COL4A4: variants seen among roughly 807,000 people sequenced by gnomAD.
The protein encoded by COL4A4 is collagen type IV alpha 4 chain.
COL4A4 carries 105 observed loss-of-function variants against 192.9 expected under a neutral mutation model. The observed-to-expected ratio is 0.54, with a 90% CI of 0.46 to 0.64. The LOEUF (loss-of-function observed/expected upper bound fraction) is 0.64, where lower values mean the gene tolerates loss of function less well. Ranked by LOEUF, COL4A4 falls within the 30% of genes least tolerant of loss-of-function variation. COL4A4 has a pLI of 0.00. For missense variants in COL4A4, 1,967 were observed against 2,169.3 expected (o/e 0.91, Z 1.85); for synonymous variants, 762 against 769.9 (o/e 0.99, Z 0.17).
intron 6 of COL4A4, 58 bp downstream of exon 6, chr2:227,119,837 A>AT (rs1487151233): frequency 8.1e-7 from 1 of 1,227,712 alleles, no homozygotes; most frequent in East Asian, 2.6e-5. Context: ...GGTTTTAAGG[A>AT]TTTTGATGAG....
At chr2:227,010,263 C>A in intron 46 of COL4A4, 50 bp downstream of exon 46, 1 of 1,591,792 alleles carries the variant, frequency 6.3e-7, no homozygotes. Context: ...TAAAATTAAC[C>A]CCAAATTTTA....
intron 4 of COL4A4, among the ~76,000 whole-genome samples, chr2:227,136,380 G>C (rs1433510913): frequency 6.6e-6 from 1 of 152,196 alleles, no homozygotes; most frequent in Admixed American, 6.5e-5. Context: ...GTGCAAGTTG[G>C]AAGGCACTCA....
chr2:227,082,130 C>A lies in COL4A4; in HGVS notation c.1681G>T (p.Val561Leu), dbSNP rs754315471. ...TTATGCTCACCTTTAACTCTTGATA[C>A]AACCATGTCACCCTTCGCCCCTTTG... ...GNKGAKGDMV[V>L]SRVKGHKGER... The change falls in exon 23 of 48, where the codon GTA (valine) becomes TTA (leucine). Residue 561 changes from valine (V) to leucine (L), a missense_variant. Transcript: ENST00000396625. 1 of 1,614,132 alleles carries A rather than the reference C, an allele frequency of 6.2e-7. No individual in the cohort carries two copies. The highest frequency in any genetic ancestry group is 1.7e-5 in the Admixed American group (1 of 60,018).
In COL4A4 at chr2:227,005,754, TGCACGGAAACAAA is replaced by T. The variant is rs1559388904; in HGVS notation, c.*1558_*1570del. 1.3e-5 allele frequency: 2 copies of T among 152,354 alleles called. No individual in the cohort carries two copies. Among genetic ancestry groups the T allele is most frequent in the Non-Finnish European group, 2.9e-5 (2 of 68,036 alleles). The allele number at this position is 152,354 out of a possible 1,614,324, so 9.4% of individuals were successfully genotyped here. On this transcript the variant is annotated 3_prime_UTR_variant, in exon 48 of 48. Transcript: ENST00000396625. ...GTTTTTCTTCTCAATTATTTTTAAG[TGCACGGAAACAAA>T]GCACTAAAATGAGTGTCACGCTCAT...
At chr2:227,058,718 A>T (rs1172447781) in intron 28 of COL4A4, among the ~76,000 whole-genome samples, 1 of 152,198 alleles carries the variant, frequency 6.6e-6, no homozygotes, top group Non-Finnish European at 1.5e-5. Flanking sequence ...CCCACCCCAG[A>T]AATAATGAAT....
At chr2:227,126,475 T>C (rs1478908444) in intron 4 of COL4A4, among the ~76,000 whole-genome samples, 1 of 152,244 alleles carries the variant, frequency 6.6e-6, no homozygotes, top group East Asian at 1.9e-4. Context: ...TGTTTTTTGC[T>C]GTTGAGCTAT....
At position 227,028,022 on chromosome 2, in the gene COL4A4, C is replaced by A. The variant is rs754559367; in HGVS notation, c.3974-13G>T. The A allele has an allele frequency of 2.6e-5, 40 of 1,513,316 alleles. No homozygotes were observed. The highest frequency in any genetic ancestry group is 2.8e-5 in the African/African-American group (2 of 72,388). The allele number at this position is 1,513,316 out of a possible 1,614,324, so 93.7% of individuals were successfully genotyped here. ...AATCCCACTGGTCCTTAAAAAAAAA[C>A]AAAACATAAAAATGAGGGCACTGGA... On this transcript the variant is annotated splice_polypyrimidine_tract_variant and intron_variant, in intron 41 of 47. Coordinates refer to ENST00000396625, the MANE Select transcript of COL4A4 (RefSeq NM_000092.5).
At position 227,004,799 on chromosome 2, in the gene COL4A4, C is replaced by T. The variant is rs922906818; in HGVS notation, c.*2526G>A. On this transcript the variant is annotated 3_prime_UTR_variant, in exon 48 of 48. Transcript: ENST00000396625. Reference sequence around the variant, plus strand: ...AAGCATCCCAGATTTCCAGCACGGGCACAGAACAGAACAGTTCCCATTAGG... The same window carrying T: ...AAGCATCCCAGATTTCCAGCACGGGTACAGAACAGAACAGTTCCCATTAGG... 1 of 152,236 alleles carries T rather than the reference C, an allele frequency of 6.6e-6. No homozygotes were observed. Among genetic ancestry groups the T allele is most frequent in the Non-Finnish European group, 1.5e-5 (1 of 68,118 alleles). The allele number at this position is 152,236 out of a possible 1,614,324, so 9.4% of individuals were successfully genotyped here. A position where few individuals can be genotyped will look rare whatever the true frequency, so the allele number is the denominator to read the frequency against.
At chr2:227,118,838 AAAT>A in intron 6 of COL4A4, 77 bp from the exon 7 acceptor site, 1 of 897,802 alleles carries the variant, frequency 1.1e-6, no homozygotes, top group East Asian at 2.4e-5. Flanking sequence ...ATGAATACTC[AAAT>A]TATGGCAATT....
chr2:227,031,387 C>G (rs954159021), intron 40 of COL4A4, among the ~76,000 whole-genome samples: 2 of 152,170 alleles, frequency 1.3e-5, no homozygotes, highest in Non-Finnish European at 2.9e-5. Flanking sequence ...CACTCTTCTC[C>G]CAACTCCCAA....
intron 19 of COL4A4, among the ~76,000 whole-genome samples, chr2:227,097,897 G>C (rs769793064): frequency 2.6e-5 from 4 of 152,248 alleles, no homozygotes; most frequent in Admixed American, 2.0e-4. Context: ...GTAAAACTAC[G>C]TTTACTCAAG....
intron 1 of COL4A4, among the ~76,000 whole-genome samples, chr2:227,150,677 C>T (rs2063870130): frequency 6.6e-6 from 1 of 152,148 alleles, no homozygotes; most frequent in Non-Finnish European, 1.5e-5. Context: ...CAGAAGGCAC[C>T]TCTTCACAGG....
downstream of COL4A4, among the ~76,000 whole-genome samples, chr2:227,001,842 G>T (rs1420540068): frequency 6.6e-6 from 1 of 152,126 alleles, no homozygotes; most frequent in African/African-American, 2.4e-5. Context: ...CAGGTAAAAG[G>T]TTGGCCCAAA....
At chr2:227,076,867 G>A (rs1450692430) in intron 25 of COL4A4, among the ~76,000 whole-genome samples, 1 of 152,188 alleles carries the variant, frequency 6.6e-6, no homozygotes, top group Non-Finnish European at 1.5e-5. Flanking sequence ...AGATATTTAT[G>A]TGGCCAACAA....
Position 227,056,032 on chromosome 2 carries a change from G to A in COL4A4, c.2629C>T (p.Arg877Trp), listed in dbSNP as rs55948916. Residue 877 changes from arginine (R) to tryptophan (W), a missense_variant, in exon 30 of 48, where the codon CGG becomes TGG. Coordinates refer to ENST00000396625, the MANE Select transcript of COL4A4 (RefSeq NM_000092.5). Reference protein sequence around the residue: ...GMKGLPGLPGRPGAHGPPGLP... With the variant: ...GMKGLPGLPGWPGAHGPPGLP... ...CCTGGGGGACCATGTGCCCCAGGCC[G>A]TCCTGGGAGTCCGGGGAGGCCTTTC... 350 of 1,613,836 alleles carry A rather than the reference G, an allele frequency of 2.2e-4. No homozygotes were observed. The highest frequency in any genetic ancestry group is 4.1e-4 in the African/African-American group (31 of 75,002).
rs373697023 is a variant in COL4A4 at position 227,124,250 on chromosome 2, C to T, written c.193-3102G>A. 2.0e-5 allele frequency among the ~76,000 whole-genome samples: 3 copies of T among 152,158 alleles called. No homozygotes were observed. The East Asian group carries it at 5.8e-4, about 29-fold the overall frequency. ...GAAAACACAAGCCAGGGCAATTTTA[C>T]ATTCTATGAGGTTGGTGCAAAAGTA... On this transcript the variant is annotated intron_variant, in intron 4 of 47. Transcript: ENST00000396625.
chr2:227,007,183 T>A lies in COL4A4; in HGVS notation c.*142A>T, dbSNP rs534164489. On this transcript the variant is annotated 3_prime_UTR_variant, in exon 48 of 48. Transcript: ENST00000396625. ...CTTAATGTGTAAGGAACCAGAGGAC[T>A]CTGGGAATAACCACGACAAAACAGA... 1.0e-5 allele frequency: 12 copies of A among 1,200,702 alleles called. No homozygotes were observed. The South Asian group carries it at 1.3e-4, about 13-fold the overall frequency. The allele number at this position is 1,200,702 out of a possible 1,614,324, so 74.4% of individuals were successfully genotyped here.
chr2:227,060,101 G>GAAAAACAAAAAAAAAAAA, intron 27 of COL4A4, 35 bp downstream of exon 27: 1 of 503,758 alleles, frequency 2.0e-6, no homozygotes, highest in Non-Finnish European at 3.1e-6. Context: ...TCCCAAAGCA[G>GAAAAACAAAAAAAAAAAA]AAAAAAAAAA....
chr2:227,101,368 T>C (rs2060512511), intron 17 of COL4A4, 136 bp downstream of exon 17: 1 of 742,468 alleles, frequency 1.3e-6, no homozygotes, highest in Middle Eastern at 3.9e-4. Flanking sequence ...ATGTAACAAT[T>C]GAATAAAAAA....
Sources: allele counts gnomAD v4.1 joint callset (sites outside exome capture counted in the v4.1 genomes callset), GRCh38; gene constraint gnomAD v4.1.1; transcripts MANE v1.5; gene names NCBI Gene and HGNC (gene_info 2026-07-23, HGNC 2026-07-21).